Variants in NFATC1 observed in about 807,000 individuals in gnomAD.
NFATC1 encodes the protein nuclear factor of activated T-cells, cytoplasmic 1.
In NFATC1, 22 loss-of-function variants were observed where a neutral mutation model predicts 76.0. That is an observed-to-expected ratio of 0.29 (90% CI 0.21 to 0.41). The LOEUF (loss-of-function observed/expected upper bound fraction) is 0.41, where lower values mean the gene tolerates loss of function less well. NFATC1 is among the 10% of genes least tolerant of loss of function. NFATC1 has a pLI of 1.00. For synonymous variants in NFATC1, 704 were observed against 613.1 expected (o/e 1.15, Z -2.19); for missense variants, 1,357 against 1,337.7 (o/e 1.01, Z -0.23).
intron 6 of NFATC1, among the ~76,000 whole-genome samples, chr18:79,454,538 C>T (rs777237946): frequency 7.2e-5 from 11 of 152,150 alleles, no homozygotes; most frequent in Non-Finnish European, 1.0e-4. Context: ...GTGCCGGGTC[C>T]CTCTGGGATG....
chr18:79,449,224 C>A (rs2087352382), intron 4 of NFATC1, among the ~76,000 whole-genome samples: 1 of 152,230 alleles, frequency 6.6e-6, no homozygotes, highest in South Asian at 2.1e-4. Context: ...GCTATAAATA[C>A]CTCCCTCTGC....
At chr18:79,424,759 G>C (rs1217021219) in intron 2 of NFATC1, among the ~76,000 whole-genome samples, 6 of 140,724 alleles carry the variant, frequency 4.3e-5, no homozygotes, top group Admixed American at 2.8e-4. Flanking sequence ...CCCTGTCTCT[G>C]TTTCTCTGTC....
At chr18:79,434,574 T>A (rs1440900522) in intron 3 of NFATC1, among the ~76,000 whole-genome samples, 1 of 152,238 alleles carries the variant, frequency 6.6e-6, no homozygotes, top group African/African-American at 2.4e-5. Flanking sequence ...GCAGCAAGTG[T>A]GTCCAGCCCC....
At chr18:79,420,731 G>A (rs77449518) in intron 2 of NFATC1, 12,033 of 151,288 alleles carry the variant, frequency 0.08, 660 homozygotes, top group Non-Finnish European at 0.11. Flanking sequence ...TCCAGGCGAC[G>A]TTGCTGCAGA....
rs191491663 is a variant in NFATC1, at chr18:79,413,064, A to G, written c.1226+1563A>G. ...TCACTGTTATTGTTTAAGTAAAAGT[A>G]CAAGCGTAGTGGCACTGACTCTCCA... On this transcript the variant is annotated intron_variant, in intron 2 of 9. Transcript: ENST00000427363. 6.6e-5 allele frequency among the ~76,000 whole-genome samples: 10 copies of G among 152,342 alleles called. No homozygotes were observed. The East Asian group carries it at 1.9e-3, about 29-fold the overall frequency.
In NFATC1 at chr18:79,411,202, C is replaced by G. The variant is rs1364210830; in HGVS notation, c.927C>G (p.Ser309Arg). The G allele has an allele frequency of 1.2e-6, 2 of 1,609,974 alleles. No individual in the cohort carries two copies. The highest frequency in any genetic ancestry group is 1.7e-6 in the Non-Finnish European group (2 of 1,179,862). ...SWLGNTTQYTSSAIVAAINAL... is the reference protein window; with the variant it reads ...SWLGNTTQYTRSAIVAAINAL... ...TGGGCAACACCACCCAGTACACCAG[C>G]TCGGCCATCGTGGCCGCCATCAACG... Residue 309 changes from serine (S) to arginine (R), a missense_variant, in exon 2 of 10, where the codon AGC (serine) becomes AGG (arginine). Physicochemically the swap from Ser to Arg is moderately radical, Grantham distance 110. Around this residue, in one of 3 missense-constraint regions of NFATC1, gnomAD observed 691 missense variants for 613.1 expected, o/e 1.13. Transcript: ENST00000427363.
intron 8 of NFATC1, 35 bp downstream of exon 8, chr18:79,467,617 T>C (rs1568998595): frequency 6.2e-7 from 1 of 1,611,676 alleles, no homozygotes; most frequent in Non-Finnish European, 8.5e-7. Context: ...GCCGTGAACA[T>C]GAGCGCGTGG....
intron 2 of NFATC1, among the ~76,000 whole-genome samples, chr18:79,427,465 GT>G (rs2086397889): frequency 1.0e-5 from 1 of 99,688 alleles, no homozygotes; most frequent in Non-Finnish European, 2.2e-5. Context: ...TGTGCGGTGG[GT>G]GGGGGCTGTA....
chr18:79,437,725 G>A (rs540747974), intron 3 of NFATC1, among the ~76,000 whole-genome samples: 93 of 152,336 alleles, frequency 6.1e-4, no homozygotes, highest in Non-Finnish European at 1.5e-4. Context: ...TGCCTGAGGG[G>A]GAGGGTCTCT....
intron 2 of NFATC1, among the ~76,000 whole-genome samples, chr18:79,412,857 C>G (rs1455705071): frequency 3.3e-5 from 5 of 152,196 alleles, no homozygotes; most frequent in Admixed American, 6.5e-5. Flanking sequence ...TCTTGACTTG[C>G]AGTGGGCGCA....
At chr18:79,518,039 C>T (rs2090426706) in intron 9 of NFATC1, among the ~76,000 whole-genome samples, 3 of 152,226 alleles carry the variant, frequency 2.0e-5, no homozygotes, top group South Asian at 2.1e-4. Flanking sequence ...CTGCCTCTCC[C>T]GGCTCTTCAC....
At chr18:79,453,080 C>T (rs1235977369) in intron 6 of NFATC1, among the ~76,000 whole-genome samples, 1 of 152,280 alleles carries the variant, frequency 6.6e-6, no homozygotes, top group South Asian at 2.1e-4. Flanking sequence ...GGGCAGTGAC[C>T]GGGAAGGCAT....
rs73969671 is a variant in NFATC1, at chr18:79,469,740, C to T, written c.2092+2158C>T. ...CCGTTCTCCCTCTCTTTGCCTCCGT[C>T]GTCTCTTCTCTCCTGGACGTAGCAC... On this transcript the variant is annotated intron_variant, in intron 8 of 9. Transcript: ENST00000427363. 30 of 985,800 alleles carry T rather than the reference C, an allele frequency of 3.0e-5. No individual in the cohort carries two copies. The African/African-American group carries it at 4.4e-4, about 14-fold the overall frequency. The allele number at this position is 985,800 out of a possible 1,614,324, so 61.1% of individuals were successfully genotyped here.
intron 8 of NFATC1, among the ~76,000 whole-genome samples, chr18:79,480,888 A>G (rs1450989437): frequency 6.6e-6 from 1 of 152,252 alleles, no homozygotes; most frequent in East Asian, 1.9e-4. Context: ...AATCCCGAGC[A>G]GCGGAGAGAG....
At chr18:79,402,367 C>A in intron 1 of NFATC1, 2 of 985,446 alleles carry the variant, frequency 2.0e-6, no homozygotes, top group Non-Finnish European at 2.4e-6. Context: ...AAGCAGGTGG[C>A]CGCCTTCCAG....
At chr18:79,400,295 G>T in intron 1 of NFATC1, 1 of 1,249,378 alleles carries the variant, frequency 8.0e-7, no homozygotes, top group Admixed American at 4.4e-5. Flanking sequence ...GAGGGGCGGG[G>T]GTCACGTTAC....
At position 79,455,749 on chromosome 18, in the gene NFATC1, C is replaced by T. The variant is rs455080; in HGVS notation, c.1903+3933C>T. Among the ~76,000 whole-genome samples, 51 of 10,020 alleles carry T rather than the reference C, an allele frequency of 5.1e-3. 2 individuals are homozygous for T. Among genetic ancestry groups the T allele is most frequent in the South Asian group, 0.018 (9 of 500 alleles). The allele number at this position is 10,020 out of a possible 152,430, so 6.6% of individuals were successfully genotyped here. A position where few individuals can be genotyped will look rare whatever the true frequency, so the allele number is the denominator to read the frequency against. On this transcript the variant is annotated intron_variant, in intron 6 of 9. Coordinates refer to ENST00000427363, the MANE Select transcript of NFATC1 (RefSeq NM_001278669.2). ...GGACCCCAGCTCGCCCCCCATCTCA[C>T]GGCCGCCCCATCCCACGGCCGCCCC...
At chr18:79,429,949 T>C (rs2086532544) in intron 2 of NFATC1, among the ~76,000 whole-genome samples, 1 of 152,220 alleles carries the variant, frequency 6.6e-6, no homozygotes, top group African/African-American at 2.4e-5. Flanking sequence ...TAAATGTGTT[T>C]AGATTCACAA....
chr18:79,474,434 G>A (rs1013987932), intron 8 of NFATC1, among the ~76,000 whole-genome samples: 3 of 149,386 alleles, frequency 2.0e-5, no homozygotes, highest in African/African-American at 7.5e-5. Flanking sequence ...CTTTGCAAGG[G>A]AAGCGTGTTC....
Sources: gnomAD v4.1 joint callset for allele counts (sites outside exome capture counted in the v4.1 genomes callset) on GRCh38, gnomAD v4.1.1 for gene constraint, gnomAD v4.1.1 regional missense constraint, MANE v1.5 for transcripts, NCBI Gene and HGNC (gene_info 2026-07-23, HGNC 2026-07-21) for gene names.